DENND1A: variants seen among roughly 807,000 people sequenced by gnomAD.
DENND1A encodes DENN domain-containing protein 1A.
Under a neutral mutation model 113.7 loss-of-function variants are expected in DENND1A, and 51 were observed. The observed-to-expected ratio is 0.45, with a 90% confidence interval of 0.36 to 0.57. The LOEUF is 0.57. DENND1A is among the 20% of genes least tolerant of loss of function. The pLI is 0.00. For missense variants in DENND1A, 1,258 were observed against 1,395.9 expected, an observed-to-expected ratio of 0.90 and a Z score of 1.57; for synonymous variants, 565 against 570.8, an observed-to-expected ratio of 0.99 and a Z score of 0.14.
At chr9:123,816,720 T>C (rs2132534244) in intron 2 of DENND1A, among the ~76,000 whole-genome samples, 1 of 152,334 alleles carries the variant, frequency 6.6e-6, no homozygotes, top group African/African-American at 2.4e-5. Context: ...CCAAATGCAA[T>C]GTTATTTTGA....
chr9:123,758,677 C>T (rs963189388), intron 4 of DENND1A, among the ~76,000 whole-genome samples: 6 of 151,666 alleles, frequency 4.0e-5, no homozygotes, highest in Non-Finnish European at 7.4e-5. Context: ...TAAAGAAAGA[C>T]GTTAAAGGAA....
intron 21 of DENND1A, chr9:123,401,979 G>T (rs2043508926): frequency 1.3e-6 from 2 of 1,599,426 alleles, no homozygotes. Flanking sequence ...CTGTATCCTG[G>T]TACAGTGTCT....
intron 20 of DENND1A, among the ~76,000 whole-genome samples, chr9:123,409,953 AT>A (rs2044175524): frequency 6.6e-6 from 1 of 152,160 alleles, no homozygotes; most frequent in Admixed American, 6.5e-5. Flanking sequence ...TTAGCCGTGC[AT>A]GGTGGCGGGC....
intron 19 of DENND1A, among the ~76,000 whole-genome samples, chr9:123,436,898 C>A (rs2046563847): frequency 6.6e-6 from 1 of 152,122 alleles, no homozygotes; most frequent in South Asian, 2.1e-4. Context: ...CAGGTGCCTG[C>A]CATGACACCC....
At chr9:123,479,404 A>G (rs1020730383) in intron 13 of DENND1A, among the ~76,000 whole-genome samples, 8 of 152,358 alleles carry the variant, frequency 5.3e-5, no homozygotes, top group Admixed American at 2.0e-4. Flanking sequence ...AAAGCTGGGA[A>G]ATGGATGGCT....
intron 2 of DENND1A, among the ~76,000 whole-genome samples, chr9:123,812,931 C>A (rs1836866037): frequency 6.6e-6 from 1 of 152,076 alleles, no homozygotes; most frequent in African/African-American, 2.4e-5. Context: ...AGAGTCAAGT[C>A]TTTTTCAACA....
intron 21 of DENND1A, among the ~76,000 whole-genome samples, chr9:123,398,266 G>T (rs1485608324): frequency 1.3e-5 from 2 of 152,236 alleles, no homozygotes; most frequent in African/African-American, 4.8e-5. Flanking sequence ...CGGGATCAGT[G>T]TGTCACTCCC....
At chr9:123,913,120 A>C (rs1357150698) in intron 1 of DENND1A, among the ~76,000 whole-genome samples, 1 of 150,854 alleles carries the variant, frequency 6.6e-6, no homozygotes, top group African/African-American at 2.4e-5. Flanking sequence ...GTTTAAAAAA[A>C]AAAAAAAAAA....
intron 11 of DENND1A, among the ~76,000 whole-genome samples, chr9:123,598,944 C>G (rs1443828003): frequency 2.0e-5 from 3 of 152,148 alleles, no homozygotes; most frequent in African/African-American, 7.2e-5. Context: ...CACCTTTTAG[C>G]TTTTGTCAAT....
chr9:123,817,696 C>T (rs1590211548), intron 2 of DENND1A, among the ~76,000 whole-genome samples: 1 of 152,118 alleles, frequency 6.6e-6, no homozygotes, highest in Non-Finnish European at 1.5e-5. Flanking sequence ...TGTGTACTAA[C>T]CCTTTGACCA....
chr9:123,675,332 G>A (rs928446086), intron 6 of DENND1A, among the ~76,000 whole-genome samples: 1 of 152,078 alleles, frequency 6.6e-6, no homozygotes, highest in Non-Finnish European at 1.5e-5. Flanking sequence ...AGGGGTTTGG[G>A]GCAAAACAAG....
chr9:123,496,296 G>A (rs1211794272), intron 13 of DENND1A, among the ~76,000 whole-genome samples: 3 of 152,198 alleles, frequency 2.0e-5, no homozygotes, highest in African/African-American at 7.2e-5. Flanking sequence ...TCCAAAAAAG[G>A]AGATTTAAAG....
intron 3 of DENND1A, among the ~76,000 whole-genome samples, chr9:123,773,782 A>C (rs559206952): frequency 3.3e-5 from 5 of 152,338 alleles, no homozygotes; most frequent in African/African-American, 1.2e-4. Context: ...GAAAGATAAA[A>C]GTGCAGAGTG....
At chr9:123,626,240 G>A (rs962826251) in intron 10 of DENND1A, among the ~76,000 whole-genome samples, 15 of 152,136 alleles carry the variant, frequency 9.9e-5, no homozygotes, top group Admixed American at 2.0e-4. Flanking sequence ...GTGTATGGGC[G>A]GGGGGTGTCT....
At chr9:123,745,146 G>A (rs1391738136) in intron 5 of DENND1A, among the ~76,000 whole-genome samples, 2 of 152,248 alleles carry the variant, frequency 1.3e-5, no homozygotes, top group South Asian at 4.1e-4. Context: ...AGAGTAAATG[G>A]AGTAATCAGA....
chr9:123,530,353 A>G (rs2055196685), intron 13 of DENND1A, among the ~76,000 whole-genome samples: 2 of 152,180 alleles, frequency 1.3e-5, no homozygotes, highest in African/African-American at 2.4e-5. Context: ...GACTGGATTG[A>G]TAACAGACTG....
intron 21 of DENND1A, 60 bp downstream of exon 21, chr9:123,403,342 A>G: frequency 1.3e-6 from 2 of 1,581,158 alleles, no homozygotes; most frequent in Non-Finnish European, 1.7e-6. Flanking sequence ...GGGCTTCGCA[A>G]AGTGCTGGCT....
intron 1 of DENND1A, among the ~76,000 whole-genome samples, chr9:123,912,963 C>A (rs866013317): frequency 6.6e-6 from 1 of 152,086 alleles, no homozygotes; most frequent in African/African-American, 2.4e-5. Flanking sequence ...AGAACTCCCA[C>A]CCTACAGTGT....
At chr9:123,806,025 C>G (rs892858845) in intron 2 of DENND1A, among the ~76,000 whole-genome samples, 1 of 152,248 alleles carries the variant, frequency 6.6e-6, no homozygotes, top group African/African-American at 2.4e-5. Context: ...ACTATCTCTC[C>G]TCACTGCAAC....
Sources: allele counts gnomAD v4.1 joint callset (sites outside exome capture counted in the v4.1 genomes callset), GRCh38; gene constraint gnomAD v4.1.1; transcripts MANE v1.5; gene names NCBI Gene and HGNC (gene_info 2026-07-23, HGNC 2026-07-21).